ITPR2: variants seen among roughly 807,000 people sequenced by gnomAD.
The protein encoded by ITPR2 is inositol 1,4,5-trisphosphate-gated calcium channel ITPR2.
ITPR2 carries 207 observed loss-of-function variants against 317.1 expected under a neutral mutation model. The observed-to-expected ratio is 0.65, with a 90% CI of 0.58 to 0.73. The LOEUF (loss-of-function observed/expected upper bound fraction) is 0.73, where lower values mean the gene tolerates loss of function less well. Among genes scored for constraint, ITPR2 ranks in the 30% least tolerant of loss-of-function variants. The probability of loss-of-function intolerance (pLI) is 0.00; values close to 1 mark genes in which losing one functional copy is unlikely to be tolerated. For missense variants in ITPR2, 2,613 were observed against 3,284.0 expected, an observed-to-expected ratio of 0.80 and a Z score of 4.99; for synonymous variants, 1,156 against 1,149.1, an observed-to-expected ratio of 1.01 and a Z score of -0.12.
intron 52 of ITPR2, among the ~76,000 whole-genome samples, chr12:26,402,013 G>T (rs1940194618): frequency 6.6e-6 from 1 of 152,182 alleles, no homozygotes; most frequent in Admixed American, 6.5e-5. Context: ...AAAAGTAGGA[G>T]AACTAGAACT....
intron 2 of ITPR2, among the ~76,000 whole-genome samples, chr12:26,754,293 T>C (rs1445499401): frequency 1.3e-5 from 2 of 152,176 alleles, no homozygotes; most frequent in African/African-American, 4.8e-5. Context: ...TTGAAAACTG[T>C]TCAATTGATT....
chr12:26,499,118 GT>G (rs2136885063), intron 37 of ITPR2, among the ~76,000 whole-genome samples: 1 of 152,196 alleles, frequency 6.6e-6, no homozygotes, highest in East Asian at 1.9e-4. Context: ...TTAAAATGCC[GT>G]TTATACTGCT....
intron 34 of ITPR2, among the ~76,000 whole-genome samples, chr12:26,570,114 T>C (rs967836981): frequency 4.6e-5 from 7 of 152,244 alleles, no homozygotes; most frequent in African/African-American, 1.7e-4. Flanking sequence ...TACTGTGCTA[T>C]AGACAAGGTC....
intron 48 of ITPR2, among the ~76,000 whole-genome samples, chr12:26,431,646 G>A (rs1941211532): frequency 6.6e-6 from 1 of 152,156 alleles, no homozygotes; most frequent in Non-Finnish European, 1.5e-5. Context: ...TGCCCAACAG[G>A]CTGGTCCTCT....
chr12:26,416,172 A>G (rs1407417330), intron 50 of ITPR2, among the ~76,000 whole-genome samples: 1 of 152,190 alleles, frequency 6.6e-6, no homozygotes, highest in Admixed American at 6.5e-5. Context: ...TACATTGCTA[A>G]TTGATTTTCT....
chr12:26,389,093 C>T (rs914724752), intron 54 of ITPR2, among the ~76,000 whole-genome samples: 6 of 152,214 alleles, frequency 3.9e-5, no homozygotes, highest in African/African-American at 1.4e-4. Context: ...GGGCCATTGT[C>T]ATCCCTCATG....
intron 56 of ITPR2, 67 bp downstream of exon 56, chr12:26,340,100 G>A: frequency 6.9e-7 from 1 of 1,447,392 alleles, no homozygotes; most frequent in Non-Finnish European, 9.2e-7. Context: ...TGGACCCTCT[G>A]TCTCCCCTCA....
chr12:26,819,763 A>G (rs1431075011), intron 1 of ITPR2, among the ~76,000 whole-genome samples: 1 of 148,854 alleles, frequency 6.7e-6, no homozygotes, highest in African/African-American at 2.4e-5. Flanking sequence ...CATGCAAATC[A>G]TTAAAAAAAA....
chr12:26,619,759 T>C (rs983265255), intron 26 of ITPR2, among the ~76,000 whole-genome samples: 1 of 152,154 alleles, frequency 6.6e-6, no homozygotes, highest in Non-Finnish European at 1.5e-5. Context: ...AAGTAATATG[T>C]CATTTTATTG....
intron 37 of ITPR2, among the ~76,000 whole-genome samples, chr12:26,503,234 G>A (rs1388421650): frequency 1.0e-5 from 1 of 98,076 alleles, no homozygotes; most frequent in African/African-American, 3.7e-5. Context: ...TTAAGTGAGA[G>A]ACAAAGACCT....
chr12:26,719,386 A>G (rs1948794875), intron 5 of ITPR2, among the ~76,000 whole-genome samples: 1 of 152,204 alleles, frequency 6.6e-6, no homozygotes, highest in Admixed American at 6.5e-5. Context: ...ACTCTAGTAC[A>G]CAAACATGTT....
At chr12:26,562,045 T>C (rs1353082487) in intron 34 of ITPR2, 93 bp from the exon 35 acceptor site, 6 of 856,734 alleles carry the variant, frequency 7.0e-6, no homozygotes, top group Non-Finnish European at 8.1e-6. Context: ...AAAGAAAAAA[T>C]ATTAAATCTT....
In ITPR2 at chr12:26,561,760, AC is replaced by A; in HGVS notation, c.4821+1del. Reference sequence around the variant, plus strand: ...TTAATGCTATTTCACGCTTTCATGTACCTGTAACTTTTCAATAATATTTCTG... The same window carrying A: ...TTAATGCTATTTCACGCTTTCATGTACTGTAACTTTTCAATAATATTTCTG... On this transcript the variant is annotated splice_donor_variant, in intron 35 of 56. Transcript: ENST00000381340. LOFTEE classifies it high-confidence loss of function. 2 of 1,563,644 alleles carry A rather than the reference AC, an allele frequency of 1.3e-6. No individual in the cohort carries two copies. The highest frequency in any genetic ancestry group is 2.5e-5 in the South Asian group (2 of 79,638).
chr12:26,612,573 TG>T (rs1464553165), intron 26 of ITPR2, among the ~76,000 whole-genome samples: 3 of 152,224 alleles, frequency 2.0e-5, no homozygotes, highest in Non-Finnish European at 4.4e-5. Flanking sequence ...TTCTCATTTT[TG>T]TTCCCCTTAT....
intron 21 of ITPR2, among the ~76,000 whole-genome samples, chr12:26,651,964 C>T (rs1947266348): frequency 6.6e-6 from 1 of 152,182 alleles, no homozygotes; most frequent in Admixed American, 6.5e-5. Flanking sequence ...CAACCTTGTT[C>T]ATCCCTAGAA....
intron 12 of ITPR2, 81 bp downstream of exon 12, chr12:26,682,493 C>T: frequency 1.3e-6 from 1 of 787,356 alleles, no homozygotes; most frequent in Non-Finnish European, 2.1e-6. Flanking sequence ...GTATAAGGAA[C>T]ATGTGTCACA....
chr12:26,505,287 G>T (rs989600624), intron 37 of ITPR2, among the ~76,000 whole-genome samples: 1 of 152,146 alleles, frequency 6.6e-6, no homozygotes, highest in African/African-American at 2.4e-5. Flanking sequence ...TACTTTAGGG[G>T]ATGATACACA....
At chr12:26,821,672 C>T (rs140343203) in intron 1 of ITPR2, among the ~76,000 whole-genome samples, 2 of 152,326 alleles carry the variant, frequency 1.3e-5, no homozygotes, top group East Asian at 3.9e-4. Flanking sequence ...AATTCTTAAA[C>T]TTCATCCATG....
intron 21 of ITPR2, 55 bp from the exon 22 acceptor site, chr12:26,632,114 C>G: frequency 7.2e-7 from 1 of 1,393,528 alleles, no homozygotes; most frequent in Non-Finnish European, 9.6e-7. Flanking sequence ...GATCATGTAA[C>G]TATAAAACTC....
Sources: gnomAD v4.1 joint callset for allele counts (sites outside exome capture counted in the v4.1 genomes callset) on GRCh38, gnomAD v4.1.1 for gene constraint, MANE v1.5 for transcripts, NCBI Gene and HGNC (gene_info 2026-07-23, HGNC 2026-07-21) for gene names.